SSUH2: variants seen among roughly 807,000 people sequenced by gnomAD.
SSUH2 encodes ssu-2 homolog.
SSUH2 carries 47 observed loss-of-function variants against 55.3 expected under a neutral mutation model. The ratio of observed to expected loss-of-function variants is 0.85; its 90% CI spans 0.67 to 1.08. SSUH2 has a LOEUF of 1.08. Among genes scored for constraint, SSUH2 ranks in the 50% least tolerant of loss-of-function variants. The probability of loss-of-function intolerance (pLI) is 0.00; values close to 1 mark genes in which losing one functional copy is unlikely to be tolerated. For missense variants in SSUH2, 535 were observed against 490.7 expected (o/e 1.09, Z -0.85); for synonymous variants, 212 against 191.5 (o/e 1.11, Z -0.89).
chr3:8,652,950 A>C (rs1702572609), intron 7 of SSUH2, among the ~76,000 whole-genome samples: 1 of 152,102 alleles, frequency 6.6e-6, no homozygotes. Context: ...AGTGGGGAGG[A>C]GACTGGGCTC....
At chr3:8,651,926 A>G (rs1235663881) in intron 7 of SSUH2, 1 of 150,818 alleles carries the variant, frequency 6.6e-6, no homozygotes, top group African/African-American at 2.4e-5. Flanking sequence ...CACTACACAC[A>G]CCTCCTGCCA....
At chr3:8,631,785 G>A (rs1035716807) in intron 5 of SSUH2, among the ~76,000 whole-genome samples, 4 of 151,982 alleles carry the variant, frequency 2.6e-5, no homozygotes, top group Non-Finnish European at 5.9e-5. Flanking sequence ...GGCCCCGTGT[G>A]GCAGCACCAG....
chr3:8,678,764 C>G lies in SSUH2; in HGVS notation c.-901+941G>C, dbSNP rs1188689836. 1.6e-4 allele frequency among the ~76,000 whole-genome samples: 17 copies of G among 104,482 alleles called. 7 individuals are homozygous for G. Among genetic ancestry groups the G allele is most frequent in the East Asian group, 5.0e-4 (2 of 3,990 alleles). 68.5% of individuals were successfully genotyped at this position (104,482 alleles called of 152,430 possible). A position where few individuals can be genotyped will look rare whatever the true frequency, so the allele number is the denominator to read the frequency against. On this transcript the variant is annotated intron_variant, in intron 2 of 18. Coordinates refer to the SSUH2 transcript ENST00000317371. ...CCACACGCGAGGCGGGGAAAGAGAG[C>G]CAGCCCCTCTTCCCTCCCTGCCACT...
intron 6 of SSUH2, among the ~76,000 whole-genome samples, chr3:8,663,154 A>G (rs1028835356): frequency 1.4e-4 from 21 of 152,326 alleles, no homozygotes; most frequent in African/African-American, 5.1e-4. Context: ...AAATCCAGGG[A>G]CAGCTATTAT....
chr3:8,681,130 T>A lies in SSUH2; in HGVS notation c.-1046+761A>T, dbSNP rs575915745. ...GGCGGGTTCTGAGAGCCAGCCCCTC[T>A]TCCCCCCCTGCCTCTTAGGACTTCC... is the stretch of plus-strand genomic sequence containing the variant. On this transcript the variant is annotated intron_variant, in intron 1 of 18. Coordinates refer to the SSUH2 transcript ENST00000317371. Among the ~76,000 whole-genome samples, 4 of 95,476 alleles carry A rather than the reference T, an allele frequency of 4.2e-5. No homozygotes were observed. The South Asian group carries it at 1.1e-3, about 27-fold the overall frequency. 62.6% of individuals were successfully genotyped at this position (95,476 alleles called of 152,430 possible). A position where few individuals can be genotyped will look rare whatever the true frequency, so the allele number is the denominator to read the frequency against.
chr3:8,659,812 AAG>A (rs751338385), intron 6 of SSUH2: 9 of 455,784 alleles, frequency 2.0e-5, no homozygotes, highest in Admixed American at 4.7e-5. Context: ...CTGCAGTCAG[AAG>A]AGAGAGAGAT....
chr3:8,672,295 T>C (rs1704672255), intron 3 of SSUH2, among the ~76,000 whole-genome samples: 3 of 151,990 alleles, frequency 2.0e-5, no homozygotes, highest in Admixed American at 1.3e-4. Context: ...AGGGGGGCTG[T>C]ACACACCCTG....
rs1056766362 is a variant in SSUH2 at position 8,680,647 on chromosome 3, C to G, written c.-1045-798G>C. ...AATATCATCTTCTTCCCTCCAGGAT[C>G]GTGGGTACAACATCCCTGGGGGTTT... is the stretch of plus-strand genomic sequence containing the variant. On this transcript the variant is annotated intron_variant, in intron 1 of 18. Transcript: ENST00000317371. Among the ~76,000 whole-genome samples the G allele has an allele frequency of 3.3e-5, 5 of 152,148 alleles. No homozygotes were observed. In the South Asian group the frequency reaches 1.0e-3, roughly 32 times the overall value.
At chr3:8,623,773 G>A in intron 10 of SSUH2, 117 bp from the exon 11 acceptor site, 1 of 593,684 alleles carries the variant, frequency 1.7e-6, no homozygotes, top group Admixed American at 3.1e-5. Context: ...CTGAGAGAGG[G>A]ACCCACGGTG....
chr3:8,647,721 G>A (rs1424668708), upstream of SSUH2, among the ~76,000 whole-genome samples: 1 of 152,194 alleles, frequency 6.6e-6, no homozygotes, highest in African/African-American at 2.4e-5. Flanking sequence ...CAGGAACCAG[G>A]CCCTGCCTCG....
At chr3:8,669,919 A>G (rs993657532) in intron 5 of SSUH2, among the ~76,000 whole-genome samples, 1 of 152,232 alleles carries the variant, frequency 6.6e-6, no homozygotes, top group African/African-American at 2.4e-5. Context: ...GGAAAGAAGA[A>G]GGACATGAGT....
intron 2 of SSUH2, among the ~76,000 whole-genome samples, chr3:8,677,987 T>G (rs1367355807): frequency 1.3e-4 from 20 of 151,378 alleles, no homozygotes; most frequent in Non-Finnish European, 2.5e-4. Context: ...CCCTGAATAT[T>G]AAGAACAGTA....
rs1478969342 is a variant in SSUH2, at chr3:8,681,074, T to C, written c.-1046+817A>G. Among the ~76,000 whole-genome samples, 78 of 91,302 alleles carry C rather than the reference T, an allele frequency of 8.5e-4. 1 individual carries two copies. The highest frequency in any genetic ancestry group is 0.01 in the Middle Eastern group (1 of 98). 59.9% of individuals were successfully genotyped at this position (91,302 alleles called of 152,430 possible). A position where few individuals can be genotyped will look rare whatever the true frequency, so the allele number is the denominator to read the frequency against. On this transcript the variant is annotated intron_variant, in intron 1 of 18. Transcript: ENST00000317371. Reference sequence around the variant, plus strand: ...TCTTCCCCCGCTGGCTCTTAGGACTTCCATAGCAGGGGGGAGAGGCACCCC... The same window carrying C: ...TCTTCCCCCGCTGGCTCTTAGGACTCCCATAGCAGGGGGGAGAGGCACCCC...
chr3:8,648,568 C>A (rs13092270), upstream of SSUH2, among the ~76,000 whole-genome samples: 12,521 of 152,124 alleles, frequency 0.082, 734 homozygotes, highest in Admixed American at 0.14. Flanking sequence ...CTGGTGCCCC[C>A]CCATCCTGAA....
chr3:8,680,654 A>G (rs1559576578), intron 1 of SSUH2, among the ~76,000 whole-genome samples: 1 of 152,034 alleles, frequency 6.6e-6, no homozygotes, highest in Non-Finnish European at 1.5e-5. Context: ...GATCGTGGGT[A>G]CAACATCCCT....
At chr3:8,629,344 A>C (rs1043642886) in intron 7 of SSUH2, 6 of 336,550 alleles carry the variant, frequency 1.8e-5, no homozygotes, top group Non-Finnish European at 2.7e-5. Context: ...CTGCCTGGTA[A>C]GAAGAACCCC....
In SSUH2 at chr3:8,667,108, G is replaced by A. The variant is rs1235981589; in HGVS notation, c.-454-3306C>T. On this transcript the variant is annotated intron_variant, in intron 5 of 18. Coordinates refer to the SSUH2 transcript ENST00000317371. Reference sequence around the variant, plus strand: ...GCAAGTTTTTTAAGAAAGTAAAGGGGTAAAGGGGTGGCTACTCCATTGGCA... The same window carrying A: ...GCAAGTTTTTTAAGAAAGTAAAGGGATAAAGGGGTGGCTACTCCATTGGCA... Among the ~76,000 whole-genome samples the A allele has an allele frequency of 3.9e-5, 6 of 152,332 alleles. No individual in the cohort carries two copies. In the South Asian group the frequency reaches 1.0e-3, roughly 26 times the overall value.
intron 5 of SSUH2, among the ~76,000 whole-genome samples, chr3:8,664,125 G>A (rs1252722564): frequency 1.3e-5 from 2 of 152,220 alleles, no homozygotes; most frequent in African/African-American, 4.8e-5. Context: ...CAGAAAGTGT[G>A]CACAGACCTG....
intron 10 of SSUH2, among the ~76,000 whole-genome samples, 157 bp from the exon 11 acceptor site, chr3:8,623,813 C>T (rs1696959987): frequency 1.3e-5 from 2 of 152,154 alleles, no homozygotes; most frequent in African/African-American, 4.8e-5. Flanking sequence ...AACAGGAAAA[C>T]AGGGGGCCTG....
Sources: allele counts gnomAD v4.1 joint callset (sites outside exome capture counted in the v4.1 genomes callset), GRCh38; gene constraint gnomAD v4.1.1; transcripts MANE v1.5; gene names NCBI Gene and HGNC (gene_info 2026-07-23, HGNC 2026-07-21).